The following TMEM135 variants were observed in gnomAD, a reference collection of about 807,000 sequenced individuals.
The protein encoded by TMEM135 is transmembrane protein 135, also known as peroxisomal membrane protein 52.
In TMEM135, 30 loss-of-function variants were observed where a neutral mutation model predicts 60.3. The ratio of observed to expected loss-of-function variants is 0.50; its 90% CI spans 0.37 to 0.68. The LOEUF (loss-of-function observed/expected upper bound fraction) is 0.68. Among genes scored for constraint, TMEM135 ranks in the 30% least tolerant of loss-of-function variants. The probability of loss-of-function intolerance (pLI) is 0.00; values close to 1 mark genes in which losing one functional copy is unlikely to be tolerated. For missense variants in TMEM135, 468 were observed against 548.8 expected (o/e 0.85, Z 1.47); for synonymous variants, 190 against 186.7 (o/e 1.02, Z -0.14).
intron 9 of TMEM135, among the ~76,000 whole-genome samples, chr11:87,307,984 C>G (rs1175593738): frequency 6.6e-6 from 1 of 152,198 alleles, no homozygotes; most frequent in Non-Finnish European, 1.5e-5. Context: ...ATTTAAATGT[C>G]ATATCATTTA....
chr11:87,182,048 GA>G (rs1338842787), intron 5 of TMEM135, among the ~76,000 whole-genome samples: 2 of 151,206 alleles, frequency 1.3e-5, no homozygotes, highest in Non-Finnish European at 3.0e-5. Flanking sequence ...AAAAGAACTT[GA>G]AAAGCATTTG....
chr11:87,134,152 C>T (rs1241609053), intron 4 of TMEM135, among the ~76,000 whole-genome samples: 1 of 152,020 alleles, frequency 6.6e-6, no homozygotes, highest in African/African-American at 2.4e-5. Flanking sequence ...GGGATCAAGG[C>T]GTTGGCAAGG....
chr11:87,227,977 C>T (rs1008571506), intron 5 of TMEM135, among the ~76,000 whole-genome samples: 10 of 152,226 alleles, frequency 6.6e-5, no homozygotes, highest in Admixed American at 5.9e-4. Flanking sequence ...AAAGACTCTG[C>T]CCTCTGGGAC....
intron 5 of TMEM135, among the ~76,000 whole-genome samples, chr11:87,174,981 C>A (rs1256823452): frequency 6.6e-6 from 1 of 152,074 alleles, no homozygotes; most frequent in Non-Finnish European, 1.5e-5. Flanking sequence ...CACTGGTCAT[C>A]ACTTTCAGGG....
At position 87,102,732 on chromosome 11, in the gene TMEM135, A is replaced by ATG. The variant is rs1565441818; in HGVS notation, c.396+11338_396+11339insGT. Among the ~76,000 whole-genome samples, 30 of 145,390 alleles carry ATG rather than the reference A, an allele frequency of 2.1e-4. No homozygotes were observed. The South Asian group carries it at 2.1e-3, about 10-fold the overall frequency. On this transcript the variant is annotated intron_variant, in intron 4 of 14. Transcript: ENST00000305494. ...TATATATGTATATATATATATGTAT[A>ATG]TATATATGTATATATGTATATATAC...
At chr11:87,218,709 C>A (rs537121313) in intron 5 of TMEM135, among the ~76,000 whole-genome samples, 1 of 152,278 alleles carries the variant, frequency 6.6e-6, no homozygotes, top group Admixed American at 6.5e-5. Context: ...TGCCTGTAAT[C>A]CCAGCACTTT....
rs1942859511 is a variant in TMEM135 at position 87,323,329 on chromosome 11, C to G, written c.*1996C>G. On this transcript the variant is annotated 3_prime_UTR_variant, in exon 15 of 15. Transcript: ENST00000305494. The stretch of plus-strand genomic sequence containing the variant: ...TGAATGTATAGGTTGAGTGAATAAC[C>G]AATTTGCAGTGGTGGATTGAGAAGT... The G allele has an allele frequency of 2.2e-6, 1 of 453,658 alleles. No individual in the cohort carries two copies. The highest frequency in any genetic ancestry group is 2.0e-5 in the African/African-American group (1 of 49,922). 28.1% of individuals were successfully genotyped at this position (453,658 alleles called of 1,614,324 possible).
At chr11:87,195,735 C>T (rs747209287) in intron 5 of TMEM135, among the ~76,000 whole-genome samples, 9 of 152,052 alleles carry the variant, frequency 5.9e-5, no homozygotes, top group East Asian at 1.9e-4. Flanking sequence ...TTACTTCACA[C>T]GAGTAAAAAT....
intron 6 of TMEM135, among the ~76,000 whole-genome samples, chr11:87,243,242 T>G (rs1173381997): frequency 1.5e-5 from 2 of 134,192 alleles, no homozygotes; most frequent in East Asian, 2.0e-4. Flanking sequence ...ACCATGCTGT[T>G]TTGGTTACTG....
At chr11:87,296,528 A>C (rs181711423) in intron 7 of TMEM135, among the ~76,000 whole-genome samples, 258 of 152,316 alleles carry the variant, frequency 1.7e-3, no homozygotes, top group African/African-American at 4.8e-3. Context: ...AAGGACATAT[A>C]GTAGATGCTT....
chr11:87,211,772 G>A (rs185758097), intron 5 of TMEM135, among the ~76,000 whole-genome samples: 4 of 152,046 alleles, frequency 2.6e-5, no homozygotes, highest in South Asian at 2.1e-4. Flanking sequence ...GTGAAACCCC[G>A]TCTCTACTAA....
chr11:87,202,695 A>G (rs1459700252), intron 5 of TMEM135, among the ~76,000 whole-genome samples: 2 of 151,456 alleles, frequency 1.3e-5, no homozygotes, highest in African/African-American at 2.4e-5. Flanking sequence ...GTTGTCAAGC[A>G]CTGTGTCTCC....
chr11:87,278,604 C>T (rs1942007264), intron 6 of TMEM135, among the ~76,000 whole-genome samples: 1 of 152,112 alleles, frequency 6.6e-6, no homozygotes, highest in Admixed American at 6.6e-5. Context: ...GAACTCCTGA[C>T]CTCAAGTGAT....
Position 87,089,308 on chromosome 11 carries a change from G to A in TMEM135, c.363-2054G>A, listed in dbSNP as rs79072884. The stretch of plus-strand genomic sequence containing the variant: ...CCAGAACTTTGGGGTGCCAGGGCAG[G>A]AGGATGGCCTAAATCCAGAAACTTG... On this transcript the variant is annotated intron_variant, in intron 3 of 14. Coordinates refer to ENST00000305494, the MANE Select transcript of TMEM135 (RefSeq NM_022918.4). Among the ~76,000 whole-genome samples, 14 of 152,320 alleles carry A rather than the reference G, an allele frequency of 9.2e-5. No homozygotes were observed. In the East Asian group the frequency reaches 2.5e-3, roughly 27 times the overall value.
intron 6 of TMEM135, among the ~76,000 whole-genome samples, chr11:87,273,346 ACTT>A (rs1193260045): frequency 6.6e-6 from 1 of 152,072 alleles, no homozygotes; most frequent in African/African-American, 2.4e-5. Flanking sequence ...TTCTTTTCAG[ACTT>A]CTTGACAATA....
intron 1 of TMEM135, among the ~76,000 whole-genome samples, chr11:87,058,454 T>C (rs985589694): frequency 1.3e-5 from 2 of 150,752 alleles, no homozygotes; most frequent in African/African-American, 4.9e-5. Context: ...CTCAGCCTCC[T>C]GAGTTGCTAG....
chr11:87,306,072 A>G, intron 9 of TMEM135, 67 bp downstream of exon 9: 3 of 948,058 alleles, frequency 3.2e-6, no homozygotes, highest in Middle Eastern at 3.5e-4. Context: ...TTATTTATTT[A>G]GAAATAATTT....
At chr11:87,152,205 A>G (rs915826418) in intron 4 of TMEM135, among the ~76,000 whole-genome samples, 1 of 152,142 alleles carries the variant, frequency 6.6e-6, no homozygotes, top group Non-Finnish European at 1.5e-5. Context: ...TTCATGCTCC[A>G]AAGTTTCATT....
chr11:87,297,822 C>T (rs1005464481), intron 7 of TMEM135, among the ~76,000 whole-genome samples: 1 of 152,292 alleles, frequency 6.6e-6, no homozygotes, highest in South Asian at 2.1e-4. Context: ...CATCTCCTTC[C>T]ACTAAGCAAA....
Sources: allele counts gnomAD v4.1 joint callset (sites outside exome capture counted in the v4.1 genomes callset), GRCh38; gene constraint gnomAD v4.1.1; transcripts MANE v1.5; gene names NCBI Gene and HGNC (gene_info 2026-07-23, HGNC 2026-07-21).